MOK: variants seen among roughly 807,000 people sequenced by gnomAD.
The protein encoded by MOK is MOK protein kinase.
In MOK, 59 loss-of-function variants were observed where a neutral mutation model predicts 54.2. That is an observed-to-expected ratio of 1.09 (90% CI 0.88 to 1.35). The LOEUF is 1.35. MOK is among the 40% of genes most tolerant of loss of function. The pLI is 0.00. For synonymous variants in MOK, 210 were observed against 202.7 expected, an observed-to-expected ratio of 1.04 and a Z score of -0.31; for missense variants, 517 against 526.2, an observed-to-expected ratio of 0.98 and a Z score of 0.17.
At position 102,249,754 on chromosome 14, in the gene MOK, T is replaced by G. The variant is rs971799370; in HGVS notation, c.590+1058A>C. ...TTAAACCTGTATAAATAAATTCAAT[T>G]CATATTACATGCCACAAATAATATT... is the stretch of plus-strand genomic sequence containing the variant. On this transcript the variant is annotated intron_variant, in intron 7 of 11. Coordinates refer to ENST00000361847, the MANE Select transcript of MOK (RefSeq NM_014226.3). The surrounding 1 kb of genome is among the most constrained non-coding windows in gnomAD (Gnocchi z 5.3). Among the ~76,000 whole-genome samples the G allele has an allele frequency of 1.3e-5, 2 of 152,326 alleles. No individual in the cohort carries two copies. Among genetic ancestry groups the G allele is most frequent in the Non-Finnish European group, 2.9e-5 (2 of 68,024 alleles).
In MOK at chr14:102,229,360, G is replaced by A. The variant is rs2064433144; in HGVS notation, c.1189C>T (p.Pro397Ser). 6 of 1,614,204 alleles carry A rather than the reference G, an allele frequency of 3.7e-6. No individual in the cohort carries two copies. Among genetic ancestry groups the A allele is most frequent in the Non-Finnish European group, 5.1e-6 (6 of 1,180,008 alleles). Reference sequence around the variant, plus strand: ...GGGGCAGGCTTAAGGTCCTTCTGCGGATCTGTCTGTCAAAGAAAAATTACA... The same window carrying A: ...GGGGCAGGCTTAAGGTCCTTCTGCGAATCTGTCTGTCAAAGAAAAATTACA... ...KCIPASKKTD[P>S]QKDLKPAPQQ... The change falls in exon 12 of 12, where the codon CCG (proline) becomes TCG (serine). Residue 397 changes from proline to serine, a missense_variant. Coordinates refer to ENST00000361847, the MANE Select transcript of MOK (RefSeq NM_014226.3).
chr14:102,305,080 A>G lies in MOK; in HGVS notation c.-112T>C. On this transcript the variant is annotated 5_prime_UTR_variant, in exon 1 of 12. Transcript: ENST00000361847. The stretch of plus-strand genomic sequence containing the variant: ...CCCTGAGGCGGGGTCCCGCACTAGG[A>G]TCTCCGTGGTGGTCCCTCGAAGGAG... The G allele has an allele frequency of 7.8e-7, 1 of 1,281,002 alleles. No individual in the cohort carries two copies. The highest frequency in any genetic ancestry group is 1.1e-6 in the Non-Finnish European group (1 of 900,008). 79.4% of individuals were successfully genotyped at this position (1,281,002 alleles called of 1,614,324 possible). A position where few individuals can be genotyped will look rare whatever the true frequency, so the allele number is the denominator to read the frequency against.
chr14:102,290,143 G>GAA (rs376178602), intron 1 of MOK, among the ~76,000 whole-genome samples: 1,928 of 142,274 alleles, frequency 0.014, 33 homozygotes, highest in East Asian at 0.042. Context: ...TACACTTAGA[G>GAA]AAAAAAAAAA....
intron 7 of MOK, 140 bp downstream of exon 7, chr14:102,250,672 T>C (rs2066453516): frequency 1.1e-6 from 1 of 911,454 alleles, no homozygotes; most frequent in African/African-American, 1.7e-5. Flanking sequence ...GCCTAGTCAA[T>C]TTTCTGTTAA....
At chr14:102,250,681 A>G in intron 7 of MOK, 131 bp downstream of exon 7, 1 of 967,012 alleles carries the variant, frequency 1.0e-6, no homozygotes, top group Non-Finnish European at 1.5e-6. Flanking sequence ...ATTTTCTGTT[A>G]AATTAAAAAC....
intron 2 of MOK, among the ~76,000 whole-genome samples, chr14:102,276,150 T>C (rs2068842028): frequency 6.6e-6 from 1 of 152,084 alleles, no homozygotes; most frequent in Non-Finnish European, 1.5e-5. Flanking sequence ...CCGGTGGGAA[T>C]ATGGAGCAAC....
Position 102,229,357 on chromosome 14 carries a change from G to A in MOK, c.1192C>T (p.Gln398Ter). 1 of 1,614,230 alleles carries A rather than the reference G, an allele frequency of 6.2e-7. No individual in the cohort carries two copies. Among genetic ancestry groups the A allele is most frequent in the Non-Finnish European group, 8.5e-7 (1 of 1,180,030 alleles). Residue 398 changes from glutamine (Q) to a stop codon, truncating the protein, a stop_gained, in exon 12 of 12, where the codon CAG becomes TAG. Coordinates refer to ENST00000361847, the MANE Select transcript of MOK (RefSeq NM_014226.3). LOFTEE classifies it low-confidence loss of function (END_TRUNC). Reference protein sequence around the residue: ...CIPASKKTDPQKDLKPAPQQC... With the variant: ...CIPASKKTDP The stretch of plus-strand genomic sequence containing the variant: ...TGCGGGGCAGGCTTAAGGTCCTTCT[G>A]CGGATCTGTCTGTCAAAGAAAAATT...
At chr14:102,298,493 A>C (rs1017300671) in intron 1 of MOK, among the ~76,000 whole-genome samples, 1 of 152,218 alleles carries the variant, frequency 6.6e-6, no homozygotes, top group Non-Finnish European at 1.5e-5. Flanking sequence ...CAAATGCACC[A>C]ATCAGTGCTC....
rs1217391626 is a variant in MOK at position 102,245,181 on chromosome 14, T to C, written c.590+5631A>G. On this transcript the variant is annotated intron_variant, in intron 7 of 11. Transcript: ENST00000361847. The surrounding 1 kb of genome is among the most constrained non-coding windows in gnomAD (Gnocchi z 4.3). The stretch of plus-strand genomic sequence containing the variant: ...ATCACCAATCATTCTATATGACAAA[T>C]GCTCCTTCTAAGAACCCCACAATAC... 6.6e-6 allele frequency among the ~76,000 whole-genome samples: 1 copy of C among 151,858 alleles called. No homozygotes were observed. Among genetic ancestry groups the C allele is most frequent in the Non-Finnish European group, 1.5e-5 (1 of 68,020 alleles).
At chr14:102,297,136 T>A (rs948502766) in intron 1 of MOK, among the ~76,000 whole-genome samples, 1 of 151,870 alleles carries the variant, frequency 6.6e-6, no homozygotes, top group Non-Finnish European at 1.5e-5. Flanking sequence ...GGTGGGCAGA[T>A]CACGAGGTCA....
chr14:102,220,719 CAAAAAAA>C (rs35097607), downstream of MOK, among the ~76,000 whole-genome samples: 3 of 111,712 alleles, frequency 2.7e-5, no homozygotes, highest in East Asian at 8.5e-4. The surrounding 1 kb of genome is among the most constrained non-coding windows in gnomAD (Gnocchi z 4.2). Flanking sequence ...GACTCCGTCT[CAAAAAAA>C]AAAAAAAAAA....
intron 7 of MOK, among the ~76,000 whole-genome samples, chr14:102,248,383 A>G (rs1242947068): frequency 6.6e-6 from 1 of 150,454 alleles, no homozygotes; most frequent in African/African-American, 2.4e-5. Flanking sequence ...GGTCGTGGGA[A>G]GCATAAACAA....
chr14:102,282,078 G>A (rs1397005749), intron 2 of MOK, among the ~76,000 whole-genome samples: 1 of 152,092 alleles, frequency 6.6e-6, no homozygotes, highest in African/African-American at 2.4e-5. Context: ...TATGAAACAA[G>A]GATAACTACC....
chr14:102,244,663 T>C (rs914489669), intron 7 of MOK, among the ~76,000 whole-genome samples: 6 of 152,152 alleles, frequency 3.9e-5, no homozygotes, highest in East Asian at 3.9e-4. Flanking sequence ...TCGGTCTAGA[T>C]AGACACTTTC....
At chr14:102,216,307 A>G in the MOK span, among the ~76,000 whole-genome samples, 17 of 152,160 alleles carry the variant, frequency 1.1e-4, no homozygotes. Context: ...AGCACTGAAC[A>G]GGGCGTTTTG....
chr14:102,291,092 G>T (rs1296975248), intron 1 of MOK, among the ~76,000 whole-genome samples: 1 of 152,214 alleles, frequency 6.6e-6, no homozygotes, highest in African/African-American at 2.4e-5. Context: ...CCTTCTGGGA[G>T]AAACTGGCTA....
chr14:102,297,669 A>C lies in MOK; in HGVS notation c.7+7293T>G, dbSNP rs2071589727. ...TGCGGGGAGGTGTGGAGGAAGAGGC[A>C]CCGCGAGGTGTGGAGGGAGAGGTGC... On this transcript the variant is annotated intron_variant, in intron 1 of 11. Coordinates refer to ENST00000361847, the MANE Select transcript of MOK (RefSeq NM_014226.3). Among the ~76,000 whole-genome samples, 6 of 152,220 alleles carry C rather than the reference A, an allele frequency of 3.9e-5. No individual in the cohort carries two copies. In the South Asian group the frequency reaches 1.2e-3, roughly 32 times the overall value.
At position 102,265,926 on chromosome 14, in the gene MOK, A is replaced by T; in HGVS notation, c.123-14T>A. The T allele has an allele frequency of 6.3e-7, 1 of 1,585,884 alleles. No individual in the cohort carries two copies. The highest frequency in any genetic ancestry group is 8.6e-7 in the Non-Finnish European group (1 of 1,156,626). ...ACTTGCTCAATACTATCGTGTAGGT[A>T]AAAATGGATAGCTCATTCACAGTTT... On this transcript the variant is annotated splice_polypyrimidine_tract_variant and intron_variant, in intron 2 of 11. Coordinates refer to ENST00000361847, the MANE Select transcript of MOK (RefSeq NM_014226.3).
intron 1 of MOK, among the ~76,000 whole-genome samples, chr14:102,284,285 G>C (rs2069784762): frequency 6.6e-6 from 1 of 152,016 alleles, no homozygotes; most frequent in South Asian, 2.1e-4. Context: ...TTATTGGTCA[G>C]GTGGCAAAAT....
Sources: gnomAD v4.1 joint callset for allele counts (sites outside exome capture counted in the v4.1 genomes callset) on GRCh38, gnomAD v4.1.1 for gene constraint, Gnocchi (gnomAD v3.1) non-coding constraint, MANE v1.5 for transcripts, NCBI Gene and HGNC (gene_info 2026-07-23, HGNC 2026-07-21) for gene names.